The following NPNT variants were observed in gnomAD, a reference collection of about 807,000 sequenced individuals.
NPNT encodes nephronectin.
Under a neutral mutation model 68.6 loss-of-function variants are expected in NPNT, and 45 were observed. That is an observed-to-expected ratio of 0.66 (90% CI 0.52 to 0.84). The LOEUF is 0.84. Ranked by LOEUF, NPNT falls within the 40% of genes least tolerant of loss-of-function variation. The pLI, the probability that NPNT is intolerant of heterozygous loss-of-function variation, is 0.00. For synonymous variants in NPNT, 233 were observed against 253.3 expected (o/e 0.92, Z 0.76); for missense variants, 672 against 714.8 (o/e 0.94, Z 0.68).
At chr4:105,956,293 T>A (rs1020322538) in intron 8 of NPNT, among the ~76,000 whole-genome samples, 1 of 152,038 alleles carries the variant, frequency 6.6e-6, no homozygotes, top group Non-Finnish European at 1.5e-5. Context: ...AAACCCTCCC[T>A]CTTCCCCAAC....
intron 4 of NPNT, among the ~76,000 whole-genome samples, chr4:105,937,467 A>G (rs529019649): frequency 1.3e-5 from 2 of 151,790 alleles, no homozygotes; most frequent in East Asian, 1.9e-4. Context: ...AAAAAAAAAA[A>G]AAGAACACTA....
intron 10 of NPNT, among the ~76,000 whole-genome samples, chr4:105,965,345 C>T (rs933669850): frequency 2.2e-5 from 3 of 138,168 alleles, no homozygotes; most frequent in African/African-American, 5.7e-5. Context: ...ACAAAGGGAA[C>T]GAATTCTTCA....
At chr4:105,939,716 A>T (rs540909034) in intron 5 of NPNT, among the ~76,000 whole-genome samples, 6 of 152,264 alleles carry the variant, frequency 3.9e-5, no homozygotes, top group Non-Finnish European at 8.8e-5. Context: ...AAGTAGACAG[A>T]TTCAAATACT....
chr4:105,906,478 C>T (rs1008533086), intron 2 of NPNT, among the ~76,000 whole-genome samples: 3 of 148,880 alleles, frequency 2.0e-5, no homozygotes, highest in Non-Finnish European at 2.9e-5. Flanking sequence ...GTTTAAGAAG[C>T]ATTATGTGCA....
intron 6 of NPNT, 30 bp from the exon 7 acceptor site, chr4:105,940,484 A>C (rs1471609934): frequency 1.3e-6 from 2 of 1,595,560 alleles, no homozygotes; most frequent in South Asian, 1.1e-5. Context: ...CTCCTAAATA[A>C]GTCTCTTCTT....
chr4:105,907,684 C>T (rs938517776), intron 2 of NPNT, among the ~76,000 whole-genome samples: 1 of 151,908 alleles, frequency 6.6e-6, no homozygotes, highest in Non-Finnish European at 1.5e-5. Flanking sequence ...TGGGAACATG[C>T]CAGGGCAAAT....
chr4:105,917,310 T>C (rs1727897281), intron 2 of NPNT, among the ~76,000 whole-genome samples: 1 of 152,202 alleles, frequency 6.6e-6, no homozygotes, highest in Non-Finnish European at 1.5e-5. Context: ...CCCATTCCCA[T>C]GGTGAATTTC....
chr4:105,920,436 A>G (rs1302636941), intron 2 of NPNT, among the ~76,000 whole-genome samples: 1 of 151,312 alleles, frequency 6.6e-6, no homozygotes, highest in Non-Finnish European at 1.5e-5. Flanking sequence ...ATTTCCAAAT[A>G]AATAGTAACA....
chr4:105,934,682 G>C (rs1402664565), intron 3 of NPNT, among the ~76,000 whole-genome samples: 5 of 152,152 alleles, frequency 3.3e-5, no homozygotes, highest in African/African-American at 1.2e-4. Flanking sequence ...GTTAATAACA[G>C]GTAAAATAGC....
chr4:105,896,760 C>T (rs574125493), intron 1 of NPNT, among the ~76,000 whole-genome samples: 1 of 151,994 alleles, frequency 6.6e-6, no homozygotes, highest in Non-Finnish European at 1.5e-5. Flanking sequence ...ACCAGTGGAG[C>T]GCCAAGAAAA....
At chr4:105,912,086 T>G in intron 2 of NPNT, 1 of 765,630 alleles carries the variant, frequency 1.3e-6, no homozygotes. Context: ...AAGTTGAATA[T>G]GTGTAAGTCT....
chr4:105,943,041 C>A (rs1254951144), intron 8 of NPNT, among the ~76,000 whole-genome samples: 1 of 152,176 alleles, frequency 6.6e-6, no homozygotes, highest in African/African-American at 2.4e-5. Flanking sequence ...TAATCTAACC[C>A]TTCATTCATT....
At chr4:105,901,769 C>T (rs749237789) in intron 2 of NPNT, among the ~76,000 whole-genome samples, 4 of 152,216 alleles carry the variant, frequency 2.6e-5, no homozygotes, top group South Asian at 2.1e-4. Context: ...GCCTCTTCCA[C>T]GTAAAGTGAA....
intron 10 of NPNT, among the ~76,000 whole-genome samples, chr4:105,960,776 G>A (rs1409077720): frequency 2.6e-5 from 4 of 151,958 alleles, no homozygotes; most frequent in Admixed American, 1.3e-4. Context: ...GTGTGTGTGT[G>A]TGTGTGTATA....
At chr4:105,949,534 A>G (rs1323127160) in intron 8 of NPNT, among the ~76,000 whole-genome samples, 5 of 152,172 alleles carry the variant, frequency 3.3e-5, no homozygotes, top group African/African-American at 7.2e-5. Context: ...TATGGACACC[A>G]TAGGTTTGCT....
intron 2 of NPNT, among the ~76,000 whole-genome samples, chr4:105,918,904 T>G (rs1187976909): frequency 6.6e-6 from 1 of 152,166 alleles, no homozygotes; most frequent in Non-Finnish European, 1.5e-5. Flanking sequence ...AGATCTCTAA[T>G]GAATCTTGTG....
Position 105,971,178 on chromosome 4 carries a change from G to T in NPNT, c.*2188G>T, listed in dbSNP as rs1188637076. ...GGTGCATTCTCTCTGCTTCGTGTGT[G>T]ACAAGTTATCTTGGCTGCTGAGAAA... On this transcript the variant is annotated 3_prime_UTR_variant, in exon 12 of 12. Coordinates refer to ENST00000379987, the MANE Select transcript of NPNT (RefSeq NM_001033047.3). The T allele has an allele frequency of 4.4e-6, 2 of 455,704 alleles. No homozygotes were observed. Among genetic ancestry groups the T allele is most frequent in the South Asian group, 3.1e-5 (2 of 64,504 alleles). 28.2% of individuals were successfully genotyped at this position (455,704 alleles called of 1,614,324 possible).
intron 2 of NPNT, among the ~76,000 whole-genome samples, chr4:105,914,232 A>G (rs372854945): frequency 6.7e-6 from 1 of 148,354 alleles, no homozygotes; most frequent in East Asian, 2.0e-4. Context: ...TATATCTAGT[A>G]TATAGTATCA....
chr4:105,921,279 T>C (rs1432100049), intron 2 of NPNT, among the ~76,000 whole-genome samples: 1 of 152,182 alleles, frequency 6.6e-6, no homozygotes, highest in Admixed American at 6.5e-5. Context: ...CTTTCTGGTC[T>C]TTTTCTGACC....
Sources: allele counts gnomAD v4.1 joint callset (sites outside exome capture counted in the v4.1 genomes callset), GRCh38; gene constraint gnomAD v4.1.1; transcripts MANE v1.5; gene names NCBI Gene and HGNC (gene_info 2026-07-23, HGNC 2026-07-21).